Variants in ZNF701 observed in about 807,000 individuals in gnomAD.
ZNF701 encodes zinc finger protein 701.
Under a neutral mutation model 7.1 loss-of-function variants are expected in ZNF701, and 6 were observed. That is an observed-to-expected ratio of 0.84 (90% CI 0.46 to 1.66). The LOEUF is 1.66. Ranked by LOEUF, ZNF701 falls within the 40% of genes most tolerant of loss-of-function variation. The pLI, the probability that ZNF701 is intolerant of heterozygous loss-of-function variation, is 0.01. For missense variants in ZNF701, 541 were observed against 559.2 expected (o/e 0.97, Z 0.33); for synonymous variants, 166 against 188.2 (o/e 0.88, Z 0.97).
Position 52,584,912 on chromosome 19 carries a change from C to G in ZNF701, c.*1455C>G, listed in dbSNP as rs2059999606. The G allele has an allele frequency of 6.6e-6, 1 of 152,270 alleles. No individual in the cohort carries two copies. The highest frequency in any genetic ancestry group is 2.4e-5 in the African/African-American group (1 of 41,466). The allele number at this position is 152,270 out of a possible 1,614,324, so 9.4% of individuals were successfully genotyped here. A position where few individuals can be genotyped will look rare whatever the true frequency, so the allele number is the denominator to read the frequency against. On this transcript the variant is annotated 3_prime_UTR_variant, in exon 4 of 4. Transcript: ENST00000391785. ...TCTCCCCGCGGGTCTGGCTTCTGTA[C>G]TGTGCTGATTGGCACAGACCCGGAA...
chr19:52,574,732 A>G (rs2146980716), intron 2 of ZNF701, among the ~76,000 whole-genome samples: 1 of 152,312 alleles, frequency 6.6e-6, no homozygotes, highest in South Asian at 2.1e-4. Flanking sequence ...TTATTTAAAG[A>G]ATATGAAATC....
chr19:52,582,165 A>G, intron 3 of ZNF701, 37 bp from the exon 4 acceptor site: 1 of 1,512,384 alleles, frequency 6.6e-7, no homozygotes. Context: ...TAACTTCCGT[A>G]CTTAATTTGA....
At chr19:52,577,668 C>T (rs901473055) in intron 3 of ZNF701, among the ~76,000 whole-genome samples, 5 of 151,988 alleles carry the variant, frequency 3.3e-5, no homozygotes, top group African/African-American at 7.3e-5. Flanking sequence ...CTTGGTCAAG[C>T]GGTAACACCA....
rs1462333304 is a variant in ZNF701 at position 52,586,556 on chromosome 19, G to C, written c.*3099G>C. On this transcript the variant is annotated 3_prime_UTR_variant, in exon 4 of 4. Coordinates refer to ENST00000391785, the MANE Select transcript of ZNF701 (RefSeq NM_018260.3). ...AGGAGTGAGCCACCACACGTAGCCA[G>C]TCCTGGCATTTTGTAGAAGGATGGC... 6.6e-6 allele frequency: 1 copy of C among 152,140 alleles called. No homozygotes were observed. Among genetic ancestry groups the C allele is most frequent in the Non-Finnish European group, 1.5e-5 (1 of 68,042 alleles). 9.4% of individuals were successfully genotyped at this position (152,140 alleles called of 1,614,324 possible).
rs1192134026 is a variant in ZNF701, at chr19:52,582,552, G to C, written c.493G>C (p.Glu165Gln). ...HPEGKIGNQV[E>Q]KAINDAFSVS... ...CGAAGGGAAAATTGGTAATCAAGTT[G>C]AGAAGGCTATCAACGATGCTTTCTC... is the stretch of plus-strand genomic sequence containing the variant. Residue 165 changes from glutamate to glutamine, a missense_variant, in exon 4 of 4, where the codon GAG becomes CAG. By Grantham distance (29) the Glu-to-Gln change is conservative. Transcript: ENST00000391785. 1.9e-6 allele frequency: 3 copies of C among 1,614,164 alleles called. No homozygotes were observed. The highest frequency in any genetic ancestry group is 2.5e-6 in the Non-Finnish European group (3 of 1,180,036).
rs931872819 is a variant in ZNF701 at position 52,580,194 on chromosome 19, C to T, written c.143-2008C>T. Among the ~76,000 whole-genome samples the T allele has an allele frequency of 1.4e-3, 183 of 128,508 alleles. 45 individuals are homozygous for T. The highest frequency in any genetic ancestry group is 6.9e-3 in the African/African-American group (164 of 23,822). 84.3% of individuals were successfully genotyped at this position (128,508 alleles called of 152,430 possible). A position where few individuals can be genotyped will look rare whatever the true frequency, so the allele number is the denominator to read the frequency against. On this transcript the variant is annotated intron_variant, in intron 3 of 3. Transcript: ENST00000391785. ...TCCTGACCTTGTGATCCATCCACCT[C>T]GGCCTCCCAGAGTGCTGGGATTACA...
At chr19:52,590,242 A>G (rs1156663722), downstream of ZNF701, among the ~76,000 whole-genome samples, 7 of 151,438 alleles carry the variant, frequency 4.6e-5, no homozygotes, top group Non-Finnish European at 8.8e-5. Context: ...CTGGGACTAC[A>G]GGAGCTCACC....
At chr19:52,589,494 T>TTTTTA, downstream of ZNF701, among the ~76,000 whole-genome samples, 1 of 151,564 alleles carries the variant, frequency 6.6e-6, no homozygotes. Context: ...TTTTTTTTCT[T>TTTTTA]TTAAGACGGA....
chr19:52,576,895 T>G (rs938534841), intron 3 of ZNF701, among the ~76,000 whole-genome samples: 8 of 152,090 alleles, frequency 5.3e-5, no homozygotes, highest in African/African-American at 1.9e-4. Flanking sequence ...AGTGAAAATA[T>G]CAAAAAACTC....
the ZNF701 span, among the ~76,000 whole-genome samples, chr19:52,599,586 A>G: frequency 6.6e-6 from 1 of 152,158 alleles, no homozygotes; most frequent in Non-Finnish European, 1.5e-5. Flanking sequence ...GCTGCAGCCT[A>G]TGCACTGGCC....
chr19:52,592,623 A>C, the ZNF701 span, among the ~76,000 whole-genome samples: 1 of 152,122 alleles, frequency 6.6e-6, no homozygotes, highest in Non-Finnish European at 1.5e-5. Flanking sequence ...TATGAGACAG[A>C]GTGTTGAACA....
chr19:52,583,164 C>T lies in ZNF701; in HGVS notation c.1105C>T (p.Leu369=), dbSNP rs144390324. ...CDKAFRRDSH[L]AQHTVIHTGE... is the part of the protein sequence containing the mutation. ...CAAGGCTTTCAGACGTGATTCACAC[C>T]TGGCACAACATACTGTAATTCACAC... The change falls in exon 4 of 4, where the codon CTG becomes TTG. Residue 369 remains leucine (L), a synonymous_variant. Transcript: ENST00000391785. 36 of 1,613,494 alleles carry T rather than the reference C, an allele frequency of 2.2e-5. No individual in the cohort carries two copies. The African/African-American group carries it at 3.9e-4, about 17-fold the overall frequency.
chr19:52,595,729 T>C, the ZNF701 span: 1 of 1,561,208 alleles, frequency 6.4e-7, no homozygotes, highest in Middle Eastern at 1.7e-4. Flanking sequence ...CTGGAGATTT[T>C]TGCTTCCCAG....
chr19:52,570,849 A>G (rs1464961718), intron 1 of ZNF701: 1 of 152,318 alleles, frequency 6.6e-6, no homozygotes, highest in East Asian at 1.9e-4. Flanking sequence ...TCCTTGAGCC[A>G]GCGTTGGGGA....
In ZNF701 at chr19:52,583,714, A is replaced by T; in HGVS notation, c.*257A>T. 1 of 803,026 alleles carries T rather than the reference A, an allele frequency of 1.2e-6. No individual in the cohort carries two copies. The highest frequency in any genetic ancestry group is 1.5e-5 in the South Asian group (1 of 68,586). 49.7% of individuals were successfully genotyped at this position (803,026 alleles called of 1,614,324 possible). ...ACTGGAAAGGAACTGTACAAGTGTA[A>T]TGAGTGTGGCAGAGCCTTTGGTGGT... is the stretch of plus-strand genomic sequence containing the variant. On this transcript the variant is annotated 3_prime_UTR_variant, in exon 4 of 4. Transcript: ENST00000391785.
At chr19:52,571,050 A>G (rs978249166) in intron 1 of ZNF701, among the ~76,000 whole-genome samples, 1 of 151,996 alleles carries the variant, frequency 6.6e-6, no homozygotes, top group Non-Finnish European at 1.5e-5. Flanking sequence ...AAGACCCATA[A>G]CAGATGGCAA....
chr19:52,591,480 C>CAT (rs535283663), downstream of ZNF701, among the ~76,000 whole-genome samples: 1,986 of 151,762 alleles, frequency 0.013, 35 homozygotes, highest in African/African-American at 0.038. Flanking sequence ...AATGCCCGGC[C>CAT]ATATATATAT....
At chr19:52,580,314 T>G (rs1013573549) in intron 3 of ZNF701, among the ~76,000 whole-genome samples, 2 of 152,172 alleles carry the variant, frequency 1.3e-5, no homozygotes, top group Admixed American at 6.6e-5. Context: ...ATATATACAG[T>G]GTTTTTTCAT....
At chr19:52,593,875 G>A in the ZNF701 span, among the ~76,000 whole-genome samples, 1 of 115,210 alleles carries the variant, frequency 8.7e-6, no homozygotes, top group Non-Finnish European at 1.9e-5. Flanking sequence ...CCCAGACGAT[G>A]GGCGGCCAGG....
Sources: allele counts gnomAD v4.1 joint callset (sites outside exome capture counted in the v4.1 genomes callset), GRCh38; gene constraint gnomAD v4.1.1; transcripts MANE v1.5; gene names NCBI Gene and HGNC (gene_info 2026-07-23, HGNC 2026-07-21).